The following RBFOX1 variants were observed in gnomAD, a reference collection of about 807,000 sequenced individuals.
RBFOX1 encodes the protein RNA binding protein fox-1 homolog 1.
Under a neutral mutation model 57.7 loss-of-function variants are expected in RBFOX1, and 8 were observed. The ratio of observed to expected loss-of-function variants is 0.14; its 90% confidence interval spans 0.08 to 0.25. The LOEUF is 0.25. Among genes scored for constraint, RBFOX1 ranks in the 10% least tolerant of loss-of-function variants. The probability of loss-of-function intolerance (pLI) is 1.00; values close to 1 mark genes in which losing one functional copy is unlikely to be tolerated. For synonymous variants in RBFOX1, 326 were observed against 222.4 expected, an observed-to-expected ratio of 1.47 and a Z score of -4.15; for missense variants, 611 against 548.5, an observed-to-expected ratio of 1.11 and a Z score of -1.14.
chr16:7,250,314 G>A (rs1429599898), intron 4 of RBFOX1, among the ~76,000 whole-genome samples: 1 of 152,164 alleles, frequency 6.6e-6, no homozygotes, highest in Non-Finnish European at 1.5e-5. Flanking sequence ...TCCTGGGAGC[G>A]TGGGATGCTT....
At chr16:7,500,331 C>G (rs984517886) in intron 4 of RBFOX1, among the ~76,000 whole-genome samples, 1 of 152,184 alleles carries the variant, frequency 6.6e-6, no homozygotes, top group Admixed American at 6.5e-5. Context: ...AACTTCAATA[C>G]TGTGTGCTTC....
At chr16:6,534,796 A>C (rs1300433293) in intron 2 of RBFOX1, among the ~76,000 whole-genome samples, 2 of 152,162 alleles carry the variant, frequency 1.3e-5, no homozygotes, top group East Asian at 3.9e-4. Flanking sequence ...TGGTTCATGT[A>C]TATGTGTGTG....
At position 6,685,078 on chromosome 16, in the gene RBFOX1, C is replaced by A. The variant is rs919374086; in HGVS notation, c.-16+30428C>A. Among the ~76,000 whole-genome samples, 3 of 152,096 alleles carry A rather than the reference C, an allele frequency of 2.0e-5. No homozygotes were observed. The South Asian group carries it at 6.2e-4, about 32-fold the overall frequency. On this transcript the variant is annotated intron_variant, in intron 3 of 15. Coordinates refer to ENST00000550418, the MANE Select transcript of RBFOX1 (RefSeq NM_018723.4). ...AAATTTACAGGTGAAATTCAAACCTCCATCCCTCATCATTTCCCTATTTCC... is the reference window on the plus strand; with the variant it reads ...AAATTTACAGGTGAAATTCAAACCTACATCCCTCATCATTTCCCTATTTCC...
chr16:6,741,032 A>T (rs11866761), intron 3 of RBFOX1, among the ~76,000 whole-genome samples: 13,552 of 152,208 alleles, frequency 0.089, 743 homozygotes, highest in East Asian at 0.17. Context: ...ACCTAAATCA[A>T]TGGAAGGGAA....
At chr16:5,403,285 G>C (rs966428590) in intron 1 of RBFOX1, among the ~76,000 whole-genome samples, 2 of 146,818 alleles carry the variant, frequency 1.4e-5, no homozygotes, top group Non-Finnish European at 3.0e-5. Context: ...GGGAGGTGGA[G>C]TTTGCGGTGT....
At chr16:7,688,427 G>A (rs1253950784) in intron 14 of RBFOX1, among the ~76,000 whole-genome samples, 1 of 152,002 alleles carries the variant, frequency 6.6e-6, no homozygotes, top group Non-Finnish European at 1.5e-5. Context: ...AAGACTTAAA[G>A]ACAGTATTAT....
At chr16:6,974,152 C>G (rs1402464689) in intron 3 of RBFOX1, among the ~76,000 whole-genome samples, 2 of 151,854 alleles carry the variant, frequency 1.3e-5, no homozygotes, top group Non-Finnish European at 2.9e-5. Flanking sequence ...GTATATGTAC[C>G]ACATTTTTTT....
chr16:6,429,890 C>T (rs1597125428), intron 2 of RBFOX1, among the ~76,000 whole-genome samples: 1 of 152,092 alleles, frequency 6.6e-6, no homozygotes, highest in African/African-American at 2.4e-5. Context: ...GGGTGAATCA[C>T]CTGAGGTCAG....
At chr16:6,103,835 T>C (rs917861106) in intron 1 of RBFOX1, among the ~76,000 whole-genome samples, 1 of 152,128 alleles carries the variant, frequency 6.6e-6, no homozygotes, top group Non-Finnish European at 1.5e-5. Flanking sequence ...TGAAACAGGA[T>C]TGGTGAGGTC....
intron 1 of RBFOX1, among the ~76,000 whole-genome samples, chr16:6,033,816 A>G (rs1165764375): frequency 6.6e-6 from 1 of 152,192 alleles, no homozygotes; most frequent in African/African-American, 2.4e-5. Flanking sequence ...GGTCAAAGGA[A>G]ACATGCCTTT....
intron 1 of RBFOX1, among the ~76,000 whole-genome samples, chr16:5,318,175 C>CTGGA (rs2151240933): frequency 6.6e-6 from 1 of 152,284 alleles, no homozygotes; most frequent in African/African-American, 2.4e-5. Context: ...GTCACCCAGG[C>CTGGA]TGGAGTGCAG....
intron 3 of RBFOX1, among the ~76,000 whole-genome samples, chr16:6,872,629 C>T (rs763506598): frequency 6.6e-6 from 1 of 152,132 alleles, no homozygotes; most frequent in Non-Finnish European, 1.5e-5. Context: ...TTTGAATATT[C>T]CTGCAGTGGC....
chr16:7,141,387 A>T (rs895999874), intron 4 of RBFOX1, among the ~76,000 whole-genome samples: 1 of 151,748 alleles, frequency 6.6e-6, no homozygotes, highest in East Asian at 1.9e-4. Context: ...GATGGACCTT[A>T]AAATACAGCT....
At chr16:6,211,227 A>ATTTTTTT (rs140569689) in intron 1 of RBFOX1, among the ~76,000 whole-genome samples, 4 of 105,284 alleles carry the variant, frequency 3.8e-5, no homozygotes, top group Non-Finnish European at 6.3e-5. Flanking sequence ...AATCTAGTTA[A>ATTTTTTT]CTTTTTTTTT....
intron 12 of RBFOX1, among the ~76,000 whole-genome samples, chr16:7,659,985 T>C (rs1268681275): frequency 2.0e-5 from 3 of 152,134 alleles, no homozygotes; most frequent in Admixed American, 6.5e-5. Context: ...CCAATATCCA[T>C]TAAAAAATAG....
chr16:6,733,329 G>C (rs1030155987), intron 3 of RBFOX1, among the ~76,000 whole-genome samples: 1 of 152,106 alleles, frequency 6.6e-6, no homozygotes, highest in African/African-American at 2.4e-5. Flanking sequence ...CATATATGTA[G>C]TCCTTCCATC....
intron 1 of RBFOX1, among the ~76,000 whole-genome samples, chr16:5,456,680 C>T (rs1167206867): frequency 1.3e-5 from 2 of 152,158 alleles, no homozygotes; most frequent in East Asian, 3.9e-4. Flanking sequence ...TTCCCATTTC[C>T]TTGGATACCT....
chr16:6,713,167 G>A (rs1243931268), intron 3 of RBFOX1, among the ~76,000 whole-genome samples: 2 of 152,002 alleles, frequency 1.3e-5, no homozygotes, highest in East Asian at 1.9e-4. Context: ...CCAATCTTTT[G>A]TTCCCTCCCA....
At chr16:5,884,398 T>A (rs534777079) in intron 4 of RBFOX1, among the ~76,000 whole-genome samples, 8 of 152,044 alleles carry the variant, frequency 5.3e-5, no homozygotes, top group Non-Finnish European at 5.9e-5. Flanking sequence ...CTGGTGCCTA[T>A]GGTAGAGACA....
Sources: allele counts gnomAD v4.1 joint callset (sites outside exome capture counted in the v4.1 genomes callset), GRCh38; gene constraint gnomAD v4.1.1; transcripts MANE v1.5; gene names NCBI Gene and HGNC (gene_info 2026-07-23, HGNC 2026-07-21).